Variants in CTNND2 observed in about 807,000 individuals in gnomAD.
CTNND2 encodes the protein catenin delta-2.
A neutral mutation model predicts 144.4 loss-of-function variants in CTNND2; 22 were observed. The observed-to-expected ratio is 0.15, with a 90% CI of 0.11 to 0.22. The LOEUF (loss-of-function observed/expected upper bound fraction) is 0.22. Ranked by LOEUF, CTNND2 falls within the 10% of genes least tolerant of loss-of-function variation. The probability of loss-of-function intolerance (pLI) is 1.00; values close to 1 mark genes in which losing one functional copy is unlikely to be tolerated. For synonymous variants in CTNND2, 751 were observed against 695.6 expected, an observed-to-expected ratio of 1.08 and a Z score of -1.25; for missense variants, 1,353 against 1,618.8, an observed-to-expected ratio of 0.84 and a Z score of 2.82.
intron 5 of CTNND2, among the ~76,000 whole-genome samples, chr5:11,399,069 G>A (rs1464903438): frequency 2.0e-5 from 3 of 152,222 alleles, no homozygotes; most frequent in Non-Finnish European, 4.4e-5. Flanking sequence ...CCCTCCGAAG[G>A]TCACATTTTA....
At chr5:11,454,113 T>C (rs767611237) in intron 3 of CTNND2, among the ~76,000 whole-genome samples, 2 of 152,218 alleles carry the variant, frequency 1.3e-5, no homozygotes, top group African/African-American at 2.4e-5. Context: ...TAGATGACAT[T>C]AGGACTCTAC....
intron 1 of CTNND2, among the ~76,000 whole-genome samples, chr5:11,835,589 T>TA (rs1794134916): frequency 6.6e-6 from 1 of 152,216 alleles, no homozygotes; most frequent in South Asian, 2.1e-4. Flanking sequence ...AAGTGTCAAA[T>TA]ATGTATATAC....
intron 3 of CTNND2, among the ~76,000 whole-genome samples, chr5:11,433,620 A>G (rs1763497711): frequency 6.6e-6 from 1 of 152,134 alleles, no homozygotes; most frequent in South Asian, 2.1e-4. Flanking sequence ...TGAGAACGGG[A>G]GCAAAAGAGT....
intron 11 of CTNND2, among the ~76,000 whole-genome samples, chr5:11,185,519 A>G (rs1217371065): frequency 6.6e-6 from 1 of 152,194 alleles, no homozygotes; most frequent in Non-Finnish European, 1.5e-5. Context: ...AAACCACTTC[A>G]CAGAGATTCT....
At chr5:11,361,755 C>T (rs528194131) in intron 8 of CTNND2, among the ~76,000 whole-genome samples, 38 of 152,176 alleles carry the variant, frequency 2.5e-4, no homozygotes, top group Non-Finnish European at 5.1e-4. Context: ...CTTCATCCTA[C>T]CTTTGTTTAT....
intron 8 of CTNND2, among the ~76,000 whole-genome samples, chr5:11,348,208 G>A (rs573185970): frequency 7.2e-5 from 11 of 152,162 alleles, no homozygotes; most frequent in South Asian, 2.1e-4. Flanking sequence ...CAGAAAATCC[G>A]CTTTATGTCC....
chr5:11,027,896 G>A (rs1291563215), intron 16 of CTNND2, among the ~76,000 whole-genome samples: 2 of 152,152 alleles, frequency 1.3e-5, no homozygotes, highest in Admixed American at 6.5e-5. Flanking sequence ...CCTTGCTCTC[G>A]TTGACTGCTT....
At chr5:11,845,378 C>T (rs1794685164) in intron 1 of CTNND2, among the ~76,000 whole-genome samples, 1 of 152,106 alleles carries the variant, frequency 6.6e-6, no homozygotes. Flanking sequence ...AGCATCATAA[C>T]CCCCAGTACC....
chr5:11,129,348 T>C lies in CTNND2; in HGVS notation c.2160-11781A>G, dbSNP rs576028525. ...ATATATATATATGCATCAAAATTCT[T>C]CCTCGGAGCATGTGGAAGGGCGTGA... On this transcript the variant is annotated intron_variant, in intron 12 of 21. Transcript: ENST00000304623. Among the ~76,000 whole-genome samples, 36 of 123,838 alleles carry C rather than the reference T, an allele frequency of 2.9e-4. 1 individual carries two copies. Among genetic ancestry groups the C allele is most frequent in the African/African-American group, 1.1e-3 (36 of 32,134 alleles). The allele number at this position is 123,838 out of a possible 152,430, so 81.2% of individuals were successfully genotyped here. A position where few individuals can be genotyped will look rare whatever the true frequency, so the allele number is the denominator to read the frequency against.
At chr5:10,996,152 G>A (rs976455853) in intron 18 of CTNND2, among the ~76,000 whole-genome samples, 24 of 152,288 alleles carry the variant, frequency 1.6e-4, no homozygotes, top group Non-Finnish European at 3.1e-4. Flanking sequence ...TCCAGCCACA[G>A]TCAGCTGCCC....
intron 1 of CTNND2, among the ~76,000 whole-genome samples, chr5:11,846,813 A>G (rs1447693936): frequency 6.6e-6 from 1 of 152,080 alleles, no homozygotes; most frequent in Admixed American, 6.6e-5. Flanking sequence ...TCAAAAGAAG[A>G]TATGAAAATG....
intron 9 of CTNND2, among the ~76,000 whole-genome samples, chr5:11,240,549 A>AACACACACACCCAACACACACACCCAAC (rs141274112): frequency 9.5e-6 from 1 of 104,826 alleles, no homozygotes; most frequent in African/African-American, 4.1e-5. Flanking sequence ...ACACACACCC[A>AACACACACACCCAACACACACACCCAAC]ACACACACAC....
At chr5:11,891,615 A>C (rs12523341) in intron 1 of CTNND2, among the ~76,000 whole-genome samples, 29,772 of 152,202 alleles carry the variant, frequency 0.2, 3,306 homozygotes, top group Admixed American at 0.28. Context: ...GACAGATGAG[A>C]GATCTACAAA....
intron 3 of CTNND2, among the ~76,000 whole-genome samples, chr5:11,422,534 C>T (rs1227918127): frequency 6.6e-6 from 1 of 152,216 alleles, no homozygotes; most frequent in East Asian, 1.9e-4. Flanking sequence ...GTGGTAACAG[C>T]TCCCACACCA....
intron 9 of CTNND2, among the ~76,000 whole-genome samples, chr5:11,316,888 C>A: frequency 6.6e-6 from 1 of 152,020 alleles, no homozygotes; most frequent in Non-Finnish European, 1.5e-5. Context: ...TCCAGTCTAT[C>A]GTTGTTGGAC....
chr5:11,152,842 C>T (rs1455203130), intron 12 of CTNND2, among the ~76,000 whole-genome samples: 2 of 152,154 alleles, frequency 1.3e-5, no homozygotes, highest in Non-Finnish European at 2.9e-5. Flanking sequence ...ACTAAGCTGC[C>T]CGGCCAGGAG....
intron 9 of CTNND2, among the ~76,000 whole-genome samples, chr5:11,316,039 C>T (rs146125945): frequency 7.7e-4 from 117 of 152,236 alleles, no homozygotes; most frequent in African/African-American, 2.6e-3. Context: ...TTTCACAATA[C>T]ATTTTATTAA....
intron 3 of CTNND2, among the ~76,000 whole-genome samples, chr5:11,443,440 G>T (rs1165613940): frequency 6.8e-6 from 1 of 146,232 alleles, no homozygotes; most frequent in Non-Finnish European, 1.5e-5. Flanking sequence ...GGGGTGTGTG[G>T]TGTGTGTATG....
At chr5:11,366,257 C>T (rs1756969109) in intron 7 of CTNND2, among the ~76,000 whole-genome samples, 1 of 152,030 alleles carries the variant, frequency 6.6e-6, no homozygotes, top group Non-Finnish European at 1.5e-5. Context: ...TTTAAAATTG[C>T]CAATAGAAAA....
Sources: gnomAD v4.1 joint callset for allele counts (sites outside exome capture counted in the v4.1 genomes callset) on GRCh38, gnomAD v4.1.1 for gene constraint, MANE v1.5 for transcripts, NCBI Gene and HGNC (gene_info 2026-07-23, HGNC 2026-07-21) for gene names.